Variants in TMEM74 observed in about 807,000 individuals in gnomAD.
TMEM74 encodes the protein transmembrane protein 74.
TMEM74 carries 13 observed loss-of-function variants against 18.1 expected under a neutral mutation model. The observed-to-expected ratio is 0.72, with a 90% confidence interval of 0.47 to 1.14. The LOEUF (loss-of-function observed/expected upper bound fraction) is 1.14, where lower values mean the gene tolerates loss of function less well. TMEM74 is among the 50% of genes most tolerant of loss of function. The probability of loss-of-function intolerance (pLI) is 0.00; values close to 1 mark genes in which losing one functional copy is unlikely to be tolerated. For missense variants in TMEM74, 372 were observed against 375.9 expected, an observed-to-expected ratio of 0.99 and a Z score of 0.09; for synonymous variants, 159 against 146.6, an observed-to-expected ratio of 1.08 and a Z score of -0.61.
At chr8:108,742,728 A>G (rs1254030944) in intron 1 of TMEM74, among the ~76,000 whole-genome samples, 2 of 151,690 alleles carry the variant, frequency 1.3e-5, no homozygotes, top group Non-Finnish European at 2.9e-5. Flanking sequence ...GCTACTTACC[A>G]TCTATATACA....
rs111745553 is a variant in TMEM74 at position 108,758,838 on chromosome 8, A to G, written n.119+28638T>C. On this transcript the variant is annotated intron_variant and non_coding_transcript_variant, in intron 1 of 3. Coordinates refer to the TMEM74 transcript ENST00000518838. ...ATGGTAGCATATTCCACCATTTACA[A>G]TGGGTACTGCGTACTATATATCAGT... Among the ~76,000 whole-genome samples, 1,015 of 152,206 alleles carry G rather than the reference A, an allele frequency of 6.7e-3. 7 individuals carry two copies. Among genetic ancestry groups the G allele is most frequent in the African/African-American group, 0.023 (965 of 41,566 alleles).
chr8:108,684,319 C>T (rs1563525169), intron 1 of TMEM74, among the ~76,000 whole-genome samples: 1 of 152,016 alleles, frequency 6.6e-6, no homozygotes, highest in African/African-American at 2.4e-5. Context: ...GATGGTACCT[C>T]ATTGTGGTTT....
chr8:108,730,399 C>T (rs1187104147), intron 1 of TMEM74, among the ~76,000 whole-genome samples: 1 of 152,070 alleles, frequency 6.6e-6, no homozygotes, highest in Non-Finnish European at 1.5e-5. Flanking sequence ...TGGCACGGTC[C>T]CTCACAGACC....
At chr8:108,696,526 C>G (rs143153518) in intron 1 of TMEM74, among the ~76,000 whole-genome samples, 363 of 152,260 alleles carry the variant, frequency 2.4e-3, no homozygotes, top group African/African-American at 8.0e-3. Context: ...ATTGAAACAC[C>G]ATGGTGCGGC....
chr8:108,655,603 A>G (rs952781311), intron 1 of TMEM74, among the ~76,000 whole-genome samples: 2 of 152,136 alleles, frequency 1.3e-5, no homozygotes, highest in African/African-American at 4.8e-5. Context: ...CCTCCATGGA[A>G]ATTCTCTTTT....
intron 1 of TMEM74, among the ~76,000 whole-genome samples, chr8:108,703,429 G>GC (rs1813357909): frequency 6.6e-6 from 1 of 152,110 alleles, no homozygotes; most frequent in African/African-American, 2.4e-5. Context: ...TTTTGTCAGG[G>GC]AAGAGGAATC....
intron 1 of TMEM74, among the ~76,000 whole-genome samples, chr8:108,705,814 A>G (rs560268512): frequency 6.6e-6 from 1 of 152,378 alleles, no homozygotes; most frequent in Non-Finnish European, 1.5e-5. Context: ...TGTTGTATCA[A>G]CAATCACAGA....
intron 1 of TMEM74, among the ~76,000 whole-genome samples, chr8:108,706,502 T>A (rs1045313474): frequency 6.6e-6 from 1 of 152,224 alleles, no homozygotes; most frequent in African/African-American, 2.4e-5. Context: ...AATGTCAATG[T>A]ACAGTAAATG....
intron 1 of TMEM74, among the ~76,000 whole-genome samples, chr8:108,721,630 T>C (rs574780167): frequency 6.6e-6 from 1 of 152,380 alleles, no homozygotes; most frequent in East Asian, 1.9e-4. Context: ...TGTTTTATTT[T>C]CTTCATAGCA....
chr8:108,635,724 T>G (rs879466939), intron 2 of TMEM74, among the ~76,000 whole-genome samples: 2 of 152,094 alleles, frequency 1.3e-5, no homozygotes, highest in Admixed American at 6.6e-5. Flanking sequence ...TGAAGATTTC[T>G]CTGACTATTC....
At chr8:108,619,543 G>A (rs1586236025) in intron 2 of TMEM74, among the ~76,000 whole-genome samples, 1 of 152,164 alleles carries the variant, frequency 6.6e-6, no homozygotes, top group Non-Finnish European at 1.5e-5. Context: ...CCTGGCCACA[G>A]CTCTTTGTGC....
At chr8:108,729,432 C>T (rs1485077181) in intron 1 of TMEM74, among the ~76,000 whole-genome samples, 1 of 152,180 alleles carries the variant, frequency 6.6e-6, no homozygotes, top group African/African-American at 2.4e-5. Context: ...AAGAGATAAT[C>T]CAGCATAATC....
chr8:108,650,800 T>C (rs1176043738), intron 2 of TMEM74, among the ~76,000 whole-genome samples: 3 of 152,122 alleles, frequency 2.0e-5, no homozygotes, highest in African/African-American at 7.2e-5. Context: ...AACCTCTGAC[T>C]CCCAGGTTCA....
intron 1 of TMEM74, among the ~76,000 whole-genome samples, chr8:108,750,097 C>T (rs1224503692): frequency 6.6e-6 from 1 of 152,000 alleles, no homozygotes; most frequent in Non-Finnish European, 1.5e-5. Flanking sequence ...CTAAACTGCT[C>T]CAAGGGAAAT....
intron 1 of TMEM74, among the ~76,000 whole-genome samples, chr8:108,725,079 T>G (rs1054619373): frequency 7.2e-5 from 11 of 152,294 alleles, no homozygotes; most frequent in Admixed American, 5.2e-4. Flanking sequence ...GACACCATGT[T>G]TAGGCCCACT....
intron 1 of TMEM74, among the ~76,000 whole-genome samples, chr8:108,678,827 A>G (rs1238716318): frequency 6.6e-6 from 1 of 151,286 alleles, no homozygotes. Context: ...TACATGTGCC[A>G]TGTTGGTGTG....
chr8:108,669,599 T>A (rs189362117), intron 1 of TMEM74, among the ~76,000 whole-genome samples: 2 of 152,144 alleles, frequency 1.3e-5, no homozygotes, highest in East Asian at 3.9e-4. Flanking sequence ...GTTTTCAAAT[T>A]TTAATAAGAT....
Position 108,741,347 on chromosome 8 carries a change from CAT to C in TMEM74, n.119+46127_119+46128del, listed in dbSNP as rs1378465214. On this transcript the variant is annotated intron_variant and non_coding_transcript_variant, in intron 1 of 3. Transcript: ENST00000518838. ...TAGGTTTATGCTTTAAATTCACACA[CAT>C]GTCACAATTCTTTTGTATGTATAAA... 8.5e-5 allele frequency among the ~76,000 whole-genome samples: 13 copies of C among 152,190 alleles called. 1 individual carries two copies. Among genetic ancestry groups the C allele is most frequent in the Non-Finnish European group, 1.8e-4 (12 of 68,034 alleles).
chr8:108,670,137 G>A (rs138081771), intron 1 of TMEM74, among the ~76,000 whole-genome samples: 5 of 150,592 alleles, frequency 3.3e-5, no homozygotes, highest in Non-Finnish European at 7.4e-5. Flanking sequence ...TATAGTAGAA[G>A]TATAAATAAA....
Sources: gnomAD v4.1 joint callset for allele counts (sites outside exome capture counted in the v4.1 genomes callset) on GRCh38, gnomAD v4.1.1 for gene constraint, MANE v1.5 for transcripts, NCBI Gene and HGNC (gene_info 2026-07-23, HGNC 2026-07-21) for gene names.